Variants in INVS observed in about 807,000 individuals in gnomAD.
INVS encodes inversion of embryo turning homolog.
Under a neutral mutation model 108.8 loss-of-function variants are expected in INVS, and 86 were observed. The observed-to-expected ratio is 0.79, with a 90% CI of 0.66 to 0.95. The LOEUF (loss-of-function observed/expected upper bound fraction) is 0.95. INVS is among the 40% of genes least tolerant of loss of function. INVS has a pLI of 0.00. For synonymous variants in INVS, 455 were observed against 473.5 expected (o/e 0.96, Z 0.51); for missense variants, 1,169 against 1,297.4 (o/e 0.90, Z 1.52).
intron 3 of INVS, among the ~76,000 whole-genome samples, chr9:100,196,611 T>A (rs1246363065): frequency 6.6e-6 from 1 of 151,530 alleles, no homozygotes; most frequent in African/African-American, 2.4e-5. Context: ...CGCTGTTCTA[T>A]CTCAATCTTT....
In INVS at chr9:100,258,661, G is replaced by C. The variant is rs567165913; in HGVS notation, c.1464+5525G>C. Among the ~76,000 whole-genome samples the C allele has an allele frequency of 8.1e-4, 123 of 152,330 alleles. 1 individual carries two copies. The highest frequency in any genetic ancestry group is 1.5e-3 in the Non-Finnish European group (99 of 68,038). ...AGTCAGGACCCTTAGCTGCAGGTCTGTTGGAGTTTGCTGGAGATCCACTCC... is the reference window on the plus strand; with the variant it reads ...AGTCAGGACCCTTAGCTGCAGGTCTCTTGGAGTTTGCTGGAGATCCACTCC... On this transcript the variant is annotated intron_variant, in intron 10 of 16. Transcript: ENST00000262457.
chr9:100,198,347 G>GA (rs984554783), intron 3 of INVS, among the ~76,000 whole-genome samples: 2 of 121,782 alleles, frequency 1.6e-5, no homozygotes, highest in Non-Finnish European at 3.2e-5. Context: ...GTGCAGGCTG[G>GA]AGTGCAACGG....
intron 4 of INVS, among the ~76,000 whole-genome samples, chr9:100,226,683 T>C (rs1367233260): frequency 6.6e-6 from 1 of 151,894 alleles, no homozygotes; most frequent in Non-Finnish European, 1.5e-5. Flanking sequence ...CATGTTGGCA[T>C]GCGCTTGTAA....
At chr9:100,269,897 C>G (rs1832899707) in intron 11 of INVS, among the ~76,000 whole-genome samples, 1 of 152,188 alleles carries the variant, frequency 6.6e-6, no homozygotes, top group Non-Finnish European at 1.5e-5. Context: ...GTAATAATAA[C>G]AATCAGAGCT....
At chr9:100,125,311 T>C (rs1042370371) in intron 2 of INVS, among the ~76,000 whole-genome samples, 1 of 152,196 alleles carries the variant, frequency 6.6e-6, no homozygotes, top group Non-Finnish European at 1.5e-5. Flanking sequence ...TTTTATTGTA[T>C]GTGTTTTGAG....
At chr9:100,297,194 A>C (rs7864494) in intron 15 of INVS, 48 bp downstream of exon 15, 2 of 1,401,198 alleles carry the variant, frequency 1.4e-6, no homozygotes, top group Non-Finnish European at 2.0e-6. Flanking sequence ...CCCCCAGAGT[A>C]CCACATCAGA....
At chr9:100,184,310 A>T (rs1007218602) in intron 3 of INVS, among the ~76,000 whole-genome samples, 1 of 152,186 alleles carries the variant, frequency 6.6e-6, no homozygotes, top group African/African-American at 2.4e-5. Context: ...AGCAGTGCTA[A>T]ATCAAAGTTA....
intron 13 of INVS, among the ~76,000 whole-genome samples, chr9:100,291,960 G>A (rs1388588695): frequency 6.6e-6 from 1 of 152,146 alleles, no homozygotes; most frequent in Non-Finnish European, 1.5e-5. Flanking sequence ...TATTTAATAA[G>A]ACCATCTGTT....
In INVS at chr9:100,112,479, A is replaced by G. The variant is rs572834449; in HGVS notation, c.106+7852A>G. 2.0e-5 allele frequency among the ~76,000 whole-genome samples: 3 copies of G among 152,224 alleles called. No individual in the cohort carries two copies. In the East Asian group the frequency reaches 5.8e-4, roughly 29 times the overall value. ...AAGACTTAGGAAGATGACAGGATTG[A>G]CCTAAAGTTCTGTGTCCTTGAAGGT... On this transcript the variant is annotated intron_variant, in intron 2 of 16. Transcript: ENST00000262457.
Position 100,131,911 on chromosome 9 carries a change from G to T in INVS, c.273+5362G>T, listed in dbSNP as rs1292794471. 2.5e-5 allele frequency: 25 copies of T among 982,892 alleles called. No homozygotes were observed. The Admixed American group carries it at 9.2e-4, about 36-fold the overall frequency. The allele number at this position is 982,892 out of a possible 1,614,324, so 60.9% of individuals were successfully genotyped here. A position where few individuals can be genotyped will look rare whatever the true frequency, so the allele number is the denominator to read the frequency against. On this transcript the variant is annotated intron_variant, in intron 3 of 16. Coordinates refer to ENST00000262457, the MANE Select transcript of INVS (RefSeq NM_014425.5). ...TTTCCATGTTACTGATTTACAAAAA[G>T]GAGAAAGAATACCTCTGAAACTTTT...
At chr9:100,284,720 C>T (rs1833384673) in intron 13 of INVS, 117 bp downstream of exon 13, 3 of 1,098,434 alleles carry the variant, frequency 2.7e-6, no homozygotes, top group Non-Finnish European at 4.0e-6. Context: ...AGGACCGCCA[C>T]TTTATGATTT....
At chr9:100,228,947 T>C (rs549840773) in intron 4 of INVS, among the ~76,000 whole-genome samples, 1 of 152,220 alleles carries the variant, frequency 6.6e-6, no homozygotes, top group African/African-American at 2.4e-5. Context: ...ACATTTCTGT[T>C]CATATCTTCT....
intron 3 of INVS, among the ~76,000 whole-genome samples, chr9:100,207,870 T>C (rs1830721132): frequency 6.6e-6 from 1 of 152,212 alleles, no homozygotes; most frequent in Non-Finnish European, 1.5e-5. Flanking sequence ...GTTTCTAAAA[T>C]TTATGTTTGT....
intron 8 of INVS, among the ~76,000 whole-genome samples, chr9:100,247,975 A>G (rs1224551900): frequency 6.6e-6 from 1 of 151,132 alleles, no homozygotes; most frequent in Non-Finnish European, 1.5e-5. Flanking sequence ...CGCCCAGCTA[A>G]TTTTTTTTTC....
intron 2 of INVS, among the ~76,000 whole-genome samples, chr9:100,116,367 C>A (rs1827527938): frequency 6.6e-6 from 1 of 152,048 alleles, no homozygotes; most frequent in African/African-American, 2.4e-5. Context: ...CCTCTGCCTC[C>A]CAAAGTGCTG....
At chr9:100,290,945 T>C (rs1833594048) in intron 13 of INVS, among the ~76,000 whole-genome samples, 1 of 152,184 alleles carries the variant, frequency 6.6e-6, no homozygotes, top group Non-Finnish European at 1.5e-5. Context: ...CAGACTTGGC[T>C]CAAGCAATCC....
At chr9:100,190,889 C>G (rs1830199875) in intron 3 of INVS, among the ~76,000 whole-genome samples, 1 of 151,614 alleles carries the variant, frequency 6.6e-6, no homozygotes, top group African/African-American at 2.4e-5. Flanking sequence ...GAGACAGAGT[C>G]TCACTCTGTT....
chr9:100,276,334 A>G (rs1420374207), intron 12 of INVS, among the ~76,000 whole-genome samples: 2 of 152,166 alleles, frequency 1.3e-5, no homozygotes, highest in Non-Finnish European at 2.9e-5. Flanking sequence ...TGTTTTCACT[A>G]TAACTTCAGA....
intron 2 of INVS, among the ~76,000 whole-genome samples, chr9:100,125,491 C>T (rs148903676): frequency 6.6e-5 from 10 of 152,170 alleles, no homozygotes; most frequent in East Asian, 1.9e-4. Flanking sequence ...AAACAGAAAA[C>T]GCTTCAGGGA....
Sources: gnomAD v4.1 joint callset for allele counts (sites outside exome capture counted in the v4.1 genomes callset) on GRCh38, gnomAD v4.1.1 for gene constraint, MANE v1.5 for transcripts, NCBI Gene and HGNC (gene_info 2026-07-23, HGNC 2026-07-21) for gene names.